Variants in FLAD1 observed in about 807,000 individuals in gnomAD.
The protein encoded by FLAD1 is flavin adenine dinucleotide synthetase 1.
A neutral mutation model predicts 55.0 loss-of-function variants in FLAD1; 35 were observed. That is an observed-to-expected ratio of 0.64 (90% confidence interval 0.49 to 0.84). The LOEUF is 0.84. Among genes scored for constraint, FLAD1 ranks in the 40% least tolerant of loss-of-function variants. The pLI is 0.00. For synonymous variants in FLAD1, 267 were observed against 303.0 expected (o/e 0.88, Z 1.23); for missense variants, 665 against 742.6 (o/e 0.90, Z 1.21).
chr1:154,986,503 T>C (rs1428832110), intron 1 of FLAD1, among the ~76,000 whole-genome samples: 2 of 152,304 alleles, frequency 1.3e-5, no homozygotes, highest in African/African-American at 4.8e-5. Context: ...GTGATTTTAC[T>C]AATCTTCACA....
At position 154,993,013 on chromosome 1, in the gene FLAD1, AGAG is replaced by A; in HGVS notation, c.1744_1746del (p.Glu582del). On this transcript the variant is annotated inframe_deletion, in exon 7 of 7. Coordinates refer to ENST00000292180, the MANE Select transcript of FLAD1 (RefSeq NM_025207.5). ...CAGCCTATCTACTGGAGAACGAAGA[AGAG>A]GAGCGGAACTCCCGCACATGACCTC... 1 of 1,614,098 alleles carries A rather than the reference AGAG, an allele frequency of 6.2e-7. No individual in the cohort carries two copies. The highest frequency in any genetic ancestry group is 8.5e-7 in the Non-Finnish European group (1 of 1,179,988).
Position 154,991,775 on chromosome 1 carries a change from C to T in FLAD1, c.1555-938C>T, listed in dbSNP as rs535094795. Among the ~76,000 whole-genome samples, 4 of 151,894 alleles carry T rather than the reference C, an allele frequency of 2.6e-5. No homozygotes were observed. In the East Asian group the frequency reaches 5.8e-4, roughly 22 times the overall value. ...GCTGAGGCGGGAAGATCGCTTGAGC[C>T]AGGGAAGTCGAGGCTGTAGTGAGCC... On this transcript the variant is annotated intron_variant, in intron 5 of 6. Coordinates refer to ENST00000292180, the MANE Select transcript of FLAD1 (RefSeq NM_025207.5).
At chr1:154,985,529 A>C (rs575698509) in intron 1 of FLAD1, among the ~76,000 whole-genome samples, 161 of 151,510 alleles carry the variant, frequency 1.1e-3, no homozygotes, top group African/African-American at 3.7e-3. Flanking sequence ...CAGCCTCCCA[A>C]GTGGCTGGGA....
chr1:154,984,766 C>T (rs1334136182), intron 1 of FLAD1, among the ~76,000 whole-genome samples: 5 of 150,134 alleles, frequency 3.3e-5, no homozygotes, highest in Non-Finnish European at 5.9e-5. Flanking sequence ...ACTCAAGGTA[C>T]TCAGCGTAGT....
chr1:154,986,062 A>G (rs1657589891), intron 1 of FLAD1, among the ~76,000 whole-genome samples: 1 of 143,326 alleles, frequency 7.0e-6, no homozygotes, highest in African/African-American at 2.6e-5. Context: ...TGTGTGACGG[A>G]GTTTCGCTCC....
At position 154,983,720 on chromosome 1, in the gene FLAD1, T is replaced by C. The variant is rs1309672026; in HGVS notation, c.26T>C (p.Leu9Ser). MGWDLGTR[L>S]FQRQEQRSRL... is the part of the protein sequence containing the mutation. Reference sequence around the variant, plus strand: ...ATGGGTTGGGATTTGGGAACACGTTTATTCCAGAGGCAGGAACAAAGGAGT... The same window carrying C: ...ATGGGTTGGGATTTGGGAACACGTTCATTCCAGAGGCAGGAACAAAGGAGT... The change falls in exon 1 of 7, where the codon TTA becomes TCA. Residue 9 changes from leucine (L) to serine (S), a missense_variant. Transcript: ENST00000292180. 1.2e-6 allele frequency: 2 copies of C among 1,613,032 alleles called. No homozygotes were observed. The highest frequency in any genetic ancestry group is 1.7e-5 in the Admixed American group (1 of 59,910).
Position 154,992,761 on chromosome 1 carries a change from C to T in FLAD1, c.1603C>T (p.Pro535Ser). ...GGATTTTCTGCGTCAGCTGTTTGTC[C>T]CATACTGTATCCTGTATGACCGAGG... ...IWDFLRQLFVPYCILYDRGYT... is the reference protein window; with the variant it reads ...IWDFLRQLFVSYCILYDRGYT... The change falls in exon 6 of 7, where the codon CCA (proline) becomes TCA (serine). Residue 535 changes from proline to serine, a missense_variant. Coordinates refer to ENST00000292180, the MANE Select transcript of FLAD1 (RefSeq NM_025207.5). The T allele has an allele frequency of 6.2e-7, 1 of 1,614,096 alleles. No individual in the cohort carries two copies.
At chr1:154,990,618 G>C (rs1182449247) in intron 5 of FLAD1, 90 bp downstream of exon 5, 1 of 1,299,184 alleles carries the variant, frequency 7.7e-7, no homozygotes, top group African/African-American at 1.5e-5. Flanking sequence ...GGAGGCTAGA[G>C]CCTGGAACCT....
intron 5 of FLAD1, 150 bp from the exon 6 acceptor site, chr1:154,992,563 A>G (rs1339280559): frequency 6.2e-7 from 1 of 1,613,608 alleles, no homozygotes; most frequent in Admixed American, 1.7e-5. Flanking sequence ...TTGCATACAT[A>G]GAGCAAGCTA....
rs1242857705 is a variant in FLAD1, at chr1:154,983,891, C to T, written c.197C>T (p.Pro66Leu). The T allele has an allele frequency of 4.3e-6, 7 of 1,613,362 alleles. No individual in the cohort carries two copies. Among genetic ancestry groups the T allele is most frequent in the Non-Finnish European group, 5.9e-6 (7 of 1,179,568 alleles). ...TTCCCAGGCTATGGCCCCCAGTGCCCTGTAGACCTGGCAGGCCCCCCGTGC... is the reference window on the plus strand; with the variant it reads ...TTCCCAGGCTATGGCCCCCAGTGCCTTGTAGACCTGGCAGGCCCCCCGTGC... ...PLFPGYGPQCPVDLAGPPCLR... is the reference protein window; with the variant it reads ...PLFPGYGPQCLVDLAGPPCLR... Residue 66 changes from proline to leucine, a missense_variant, in exon 1 of 7, where the codon CCT (proline) becomes CTT (leucine). Pro to Leu is a moderately conservative substitution (Grantham distance 98). Transcript: ENST00000292180.
intron 5 of FLAD1, among the ~76,000 whole-genome samples, chr1:154,991,732 G>A (rs533452454): frequency 4.5e-4 from 68 of 151,938 alleles, no homozygotes; most frequent in African/African-American, 1.6e-3. Flanking sequence ...ATCAATGCCT[G>A]TAGTCCCAGC....
intron 1 of FLAD1, among the ~76,000 whole-genome samples, chr1:154,987,112 C>G (rs1304365180): frequency 1.3e-5 from 2 of 151,662 alleles, no homozygotes; most frequent in Non-Finnish European, 2.9e-5. Flanking sequence ...ACTGCAGTCT[C>G]TGCCTCCCAG....
chr1:154,984,663 G>A (rs563799295), intron 1 of FLAD1, among the ~76,000 whole-genome samples: 85 of 148,636 alleles, frequency 5.7e-4, no homozygotes, highest in African/African-American at 1.8e-3. Flanking sequence ...AGCTGAGATC[G>A]TGCCATTGCA....
intron 1 of FLAD1, among the ~76,000 whole-genome samples, chr1:154,985,245 T>TG (rs922219801): frequency 2.8e-4 from 43 of 150,882 alleles, no homozygotes; most frequent in African/African-American, 1.0e-3. Flanking sequence ...TTTGTTTTTT[T>TG]TTTTTAGATA....
intron 3 of FLAD1, 134 bp downstream of exon 3, chr1:154,989,841 C>A: frequency 9.9e-7 from 1 of 1,009,798 alleles, no homozygotes; most frequent in Non-Finnish European, 1.4e-6. Flanking sequence ...TTCCATTCTC[C>A]CACCATATTG....
In FLAD1 at chr1:154,988,230, C is replaced by A; in HGVS notation, c.498C>A (p.Phe166Leu). 1 of 1,614,236 alleles carries A rather than the reference C, an allele frequency of 6.2e-7. No individual in the cohort carries two copies. Among genetic ancestry groups the A allele is most frequent in the Non-Finnish European group, 8.5e-7 (1 of 1,180,040 alleles). Residue 166 changes from phenylalanine (F) to leucine (L), a missense_variant, in exon 2 of 7, where the codon TTC becomes TTA. Coordinates refer to ENST00000292180, the MANE Select transcript of FLAD1 (RefSeq NM_025207.5). ...VATIAAEVTS[F>L]SNRFTHVLTA... is the part of the protein sequence containing the mutation. ...CCATTGCAGCTGAGGTCACTTCTTT[C>A]TCCAACCGCTTCACCCATGTCCTCA...
Position 154,989,710 on chromosome 1 carries a change from G to C in FLAD1, c.1265+3G>C. 6.6e-7 allele frequency: 1 copy of C among 1,506,968 alleles called. No individual in the cohort carries two copies. The highest frequency in any genetic ancestry group is 1.4e-5 in the African/African-American group (1 of 71,428). The allele number at this position is 1,506,968 out of a possible 1,614,324, so 93.3% of individuals were successfully genotyped here. On this transcript the variant is annotated splice_donor_region_variant and intron_variant, in intron 3 of 6. Coordinates refer to ENST00000292180, the MANE Select transcript of FLAD1 (RefSeq NM_025207.5). ...CTCTTCCATGCAGCTGTGCAGAGGTGAGCCTGCCCCCGGGAGACAAGACCC... is the reference window on the plus strand; with the variant it reads ...CTCTTCCATGCAGCTGTGCAGAGGTCAGCCTGCCCCCGGGAGACAAGACCC...
chr1:154,984,671 G>C (rs1468520073), intron 1 of FLAD1, among the ~76,000 whole-genome samples: 1 of 144,024 alleles, frequency 6.9e-6, no homozygotes, highest in Admixed American at 7.2e-5. Context: ...TCGTGCCATT[G>C]CACTCCAGCC....
In FLAD1 at chr1:154,992,903, T is replaced by A; in HGVS notation, c.1630T>A (p.Tyr544Asn). 2 of 1,613,962 alleles carry A rather than the reference T, an allele frequency of 1.2e-6. No individual in the cohort carries two copies. Among genetic ancestry groups the A allele is most frequent in the East Asian group, 2.2e-5 (1 of 44,870 alleles). The change falls in exon 7 of 7, where the codon TAC becomes AAC. Residue 544 changes from tyrosine (Y) to asparagine (N), a missense_variant and splice_region_variant. Physicochemically the swap from Tyr to Asn is moderately radical, Grantham distance 143. Coordinates refer to ENST00000292180, the MANE Select transcript of FLAD1 (RefSeq NM_025207.5). ...VPYCILYDRGYTSLGSRENTV... is the reference protein window; with the variant it reads ...VPYCILYDRGNTSLGSRENTV... ...TGCCCTCCACCCTCCCTGCTCCAGA[T>A]ACACATCACTGGGGAGTCGGGAGAA...
Sources: gnomAD v4.1 joint callset for allele counts (sites outside exome capture counted in the v4.1 genomes callset) on GRCh38, gnomAD v4.1.1 for gene constraint, MANE v1.5 for transcripts, NCBI Gene and HGNC (gene_info 2026-07-23, HGNC 2026-07-21) for gene names.